The following RPE variants were observed in gnomAD, a reference collection of about 807,000 sequenced individuals.
RPE encodes ribulose-5-phosphate-3-epimerase, also known as ribulose-phosphate 3-epimerase.
In RPE, 16 loss-of-function variants were observed where a neutral mutation model predicts 24.6. The ratio of observed to expected loss-of-function variants is 0.65; its 90% CI spans 0.44 to 0.99. The LOEUF is 0.99. RPE is among the 50% of genes least tolerant of loss of function. The probability of loss-of-function intolerance (pLI) is 0.00; values close to 1 mark genes in which losing one functional copy is unlikely to be tolerated. For synonymous variants in RPE, 93 were observed against 98.4 expected (o/e 0.94, Z 0.33); for missense variants, 240 against 294.5 (o/e 0.81, Z 1.35).
chr2:210,018,357 C>T (rs2093808058), intron 5 of RPE: 1 of 1,382,120 alleles, frequency 7.2e-7, no homozygotes, highest in African/African-American at 1.5e-5. Flanking sequence ...GGCCTGATAC[C>T]TCTTTGGCTA....
Position 210,016,572 on chromosome 2 carries a change from T to A in RPE, c.408T>A (p.Asp136Glu), listed in dbSNP as rs1166507049. 6.2e-7 allele frequency: 1 copy of A among 1,614,220 alleles called. No homozygotes were observed. The highest frequency in any genetic ancestry group is 1.7e-5 in the Admixed American group (1 of 60,028). ...TGGCACCATGGGCTAATCAGATAGA[T>A]ATGGCCTTGGTTATGACAGTGGAAC... is the stretch of plus-strand genomic sequence containing the variant. ...EYLAPWANQI[D>E]MALVMTVEPG... The change falls in exon 4 of 6, where the codon GAT becomes GAA. Residue 136 changes from aspartate to glutamate, a missense_variant. Asp to Glu is a conservative substitution (Grantham distance 45). Transcript: ENST00000359429.
At chr2:210,016,273 C>T (rs1431200849) in intron 3 of RPE, 161 bp downstream of exon 3, 1 of 1,613,238 alleles carries the variant, frequency 6.2e-7, no homozygotes, top group Non-Finnish European at 8.5e-7. Flanking sequence ...GAATACCTTA[C>T]TTAAGCAGCT....
intron 2 of RPE, among the ~76,000 whole-genome samples, chr2:210,012,779 A>G (rs1372549458): frequency 2.0e-5 from 3 of 152,218 alleles, no homozygotes; most frequent in African/African-American, 7.2e-5. Flanking sequence ...AAACTTGTGT[A>G]TCTTACCACT....
At position 210,022,001 on chromosome 2, in the gene RPE, A is replaced by AGCTTTT. The variant is rs2093864419; in HGVS notation, c.*2210_*2211insGCTTTT. 1 of 145,356 alleles carries AGCTTTT rather than the reference A, an allele frequency of 6.9e-6. No individual in the cohort carries two copies. The highest frequency in any genetic ancestry group is 2.7e-5 in the African/African-American group (1 of 36,848). 9.0% of individuals were successfully genotyped at this position (145,356 alleles called of 1,614,324 possible). ...TTCTTGCTAATCTAGAAATACAATC[A>AGCTTTT]TCTTTTTTTTTTTTTTCAAATTTTA... On this transcript the variant is annotated 3_prime_UTR_variant, in exon 6 of 6. Transcript: ENST00000359429.
chr2:210,018,415 T>C, intron 5 of RPE: 4 of 984,554 alleles, frequency 4.1e-6, no homozygotes, highest in Non-Finnish European at 4.8e-6. Context: ...TTTTTTCAGA[T>C]AGCTAGTCTA....
At chr2:210,019,162 A>G (rs747658796) in intron 5 of RPE, among the ~76,000 whole-genome samples, 2 of 152,238 alleles carry the variant, frequency 1.3e-5, no homozygotes, top group Admixed American at 6.5e-5. Context: ...AATGCAATGA[A>G]GTATAAAGAG....
intron 1 of RPE, among the ~76,000 whole-genome samples, chr2:210,003,792 G>A (rs1383084835): frequency 6.6e-6 from 1 of 152,176 alleles, no homozygotes; most frequent in Non-Finnish European, 1.5e-5. Context: ...TTCTAAAGGT[G>A]ATGATTTCCT....
At chr2:210,008,436 T>A (rs930560592) in intron 1 of RPE, among the ~76,000 whole-genome samples, 2 of 151,038 alleles carry the variant, frequency 1.3e-5, no homozygotes, top group East Asian at 3.9e-4. Flanking sequence ...TCTGGGATTA[T>A]AGACGCACGC....
chr2:210,011,826 C>T (rs1046897988), intron 2 of RPE, among the ~76,000 whole-genome samples: 52 of 133,202 alleles, frequency 3.9e-4, no homozygotes, highest in Admixed American at 1.4e-3. Context: ...CCACCACAAC[C>T]GGCTATTTTT....
chr2:210,015,908 G>C, intron 2 of RPE, 65 bp from the exon 3 acceptor site: 2 of 1,573,910 alleles, frequency 1.3e-6, no homozygotes, highest in Non-Finnish European at 1.7e-6. Context: ...CTACATACAG[G>C]TTGGCTTCCA....
chr2:210,021,706 T>A lies in RPE; in HGVS notation c.*1915T>A, dbSNP rs560932734. 3 of 152,552 alleles carry A rather than the reference T, an allele frequency of 2.0e-5. No individual in the cohort carries two copies. Among genetic ancestry groups the A allele is most frequent in the Middle Eastern group, 3.4e-3 (1 of 294 alleles). The allele number at this position is 152,552 out of a possible 1,614,324, so 9.4% of individuals were successfully genotyped here. A position where few individuals can be genotyped will look rare whatever the true frequency, so the allele number is the denominator to read the frequency against. On this transcript the variant is annotated 3_prime_UTR_variant, in exon 6 of 6. Transcript: ENST00000359429. ...CCAATATTTTCAGTTATGTGGGTAG[T>A]ACAACTTGAGTAACCTTTTTTACAT...
chr2:210,017,069 C>T (rs2093782590), intron 4 of RPE, among the ~76,000 whole-genome samples: 1 of 152,140 alleles, frequency 6.6e-6, no homozygotes, highest in Non-Finnish European at 1.5e-5. Flanking sequence ...GTCTTGAACT[C>T]CTGGGCTTAA....
chr2:210,016,324 A>G, intron 3 of RPE, 183 bp from the exon 4 acceptor site: 1 of 1,589,914 alleles, frequency 6.3e-7, no homozygotes, highest in South Asian at 1.2e-5. Context: ...TCTTTGTCAC[A>G]TAGCATTTAT....
intron 2 of RPE, among the ~76,000 whole-genome samples, chr2:210,012,884 TCTGTCA>T (rs1489169304): frequency 1.3e-5 from 2 of 152,206 alleles, no homozygotes; most frequent in East Asian, 3.9e-4. Context: ...TGGAATGAAA[TCTGTCA>T]CTATTTGTAA....
At chr2:210,018,246 TAAATC>T (rs1434542735) in intron 5 of RPE, 1 of 1,519,528 alleles carries the variant, frequency 6.6e-7, no homozygotes, top group East Asian at 2.5e-5. Flanking sequence ...GGAAAATAGA[TAAATC>T]TAATTGACCT....
chr2:210,009,265 G>T (rs1275842805), intron 1 of RPE, among the ~76,000 whole-genome samples: 1 of 152,164 alleles, frequency 6.6e-6, no homozygotes, highest in Non-Finnish European at 1.5e-5. Context: ...GAAGTGATTA[G>T]AAGTAGCCAC....
intron 2 of RPE, among the ~76,000 whole-genome samples, chr2:210,013,119 A>G (rs189353633): frequency 1.6e-3 from 241 of 152,016 alleles, no homozygotes; most frequent in African/African-American, 4.6e-3. Flanking sequence ...AGTTAGAGAT[A>G]ACAGTATTTT....
intron 1 of RPE, among the ~76,000 whole-genome samples, chr2:210,008,054 C>G (rs541891700): frequency 1.3e-5 from 2 of 152,118 alleles, no homozygotes; most frequent in Admixed American, 1.3e-4. Context: ...GAACTGGGAA[C>G]TGGGATGTAA....
intron 5 of RPE, 36 bp downstream of exon 5, chr2:210,017,595 C>A: frequency 1.3e-6 from 2 of 1,579,280 alleles, no homozygotes; most frequent in Middle Eastern, 1.7e-4. Flanking sequence ...AGACCAATTT[C>A]CCGTCAAATA....
Sources: allele counts gnomAD v4.1 joint callset (sites outside exome capture counted in the v4.1 genomes callset), GRCh38; gene constraint gnomAD v4.1.1; transcripts MANE v1.5; gene names NCBI Gene and HGNC (gene_info 2026-07-23, HGNC 2026-07-21).